The following TSHZ2 variants were observed in gnomAD, a reference collection of about 807,000 sequenced individuals.
The protein encoded by TSHZ2 is teashirt zinc finger homeobox 2, also known as teashirt homolog 2.
A neutral mutation model predicts 74.4 loss-of-function variants in TSHZ2; 21 were observed. That is an observed-to-expected ratio of 0.28 (90% CI 0.20 to 0.41). The LOEUF is 0.41. Among genes scored for constraint, TSHZ2 ranks in the 10% least tolerant of loss-of-function variants. The probability of loss-of-function intolerance (pLI) is 1.00; values close to 1 mark genes in which losing one functional copy is unlikely to be tolerated. For missense variants in TSHZ2, 1,244 were observed against 1,293.5 expected, an observed-to-expected ratio of 0.96 and a Z score of 0.59; for synonymous variants, 540 against 515.3, an observed-to-expected ratio of 1.05 and a Z score of -0.65.
chr20:53,406,593 C>T (rs181038519), intron 2 of TSHZ2, among the ~76,000 whole-genome samples: 102 of 152,188 alleles, frequency 6.7e-4, no homozygotes, highest in African/African-American at 2.4e-3. Flanking sequence ...CTTGCAGGAA[C>T]CCCCAATTCC....
At chr20:53,460,614 G>C (rs1433298779) in intron 2 of TSHZ2, among the ~76,000 whole-genome samples, 1 of 152,236 alleles carries the variant, frequency 6.6e-6, no homozygotes, top group African/African-American at 2.4e-5. Context: ...TTTGGAGGAG[G>C]AGAGGCGCTC....
chr20:53,303,432 A>G (rs1978388652), intron 2 of TSHZ2, among the ~76,000 whole-genome samples: 1 of 152,222 alleles, frequency 6.6e-6, no homozygotes, highest in Non-Finnish European at 1.5e-5. Context: ...TTCATCATCA[A>G]CAGCACAACT....
chr20:53,209,724 C>T (rs185433411), intron 1 of TSHZ2, among the ~76,000 whole-genome samples: 1 of 152,216 alleles, frequency 6.6e-6, no homozygotes, highest in East Asian at 1.9e-4. Context: ...GGTTTGGAGC[C>T]GAGCTGAACT....
chr20:53,490,970 C>T lies in TSHZ2; in HGVS notation c.*3835C>T, dbSNP rs1010203793. ...AAGGTGCTTGCATTCTGTTGCTTTT[C>T]CATCTGTCACTTCTCAGGTTATTTG... is the stretch of plus-strand genomic sequence containing the variant. On this transcript the variant is annotated 3_prime_UTR_variant, in exon 3 of 3. Coordinates refer to ENST00000371497, the MANE Select transcript of TSHZ2 (RefSeq NM_173485.6). 1.3e-5 allele frequency: 2 copies of T among 152,078 alleles called. No individual in the cohort carries two copies. Among genetic ancestry groups the T allele is most frequent in the African/African-American group, 4.8e-5 (2 of 41,488 alleles). The allele number at this position is 152,078 out of a possible 1,614,324, so 9.4% of individuals were successfully genotyped here.
At chr20:53,149,867 G>C (rs1415394842) in intron 1 of TSHZ2, among the ~76,000 whole-genome samples, 1 of 152,168 alleles carries the variant, frequency 6.6e-6, no homozygotes, top group Non-Finnish European at 1.5e-5. Context: ...AAATGCCCAA[G>C]AATATCTCCT....
At chr20:53,242,571 C>T (rs368883217) in intron 1 of TSHZ2, among the ~76,000 whole-genome samples, 19 of 152,224 alleles carry the variant, frequency 1.2e-4, no homozygotes, top group East Asian at 1.2e-3. Flanking sequence ...GTCACAATTG[C>T]GGGCTCCTGA....
chr20:53,036,319 A>G (rs1983816584), intron 1 of TSHZ2, among the ~76,000 whole-genome samples: 1 of 152,162 alleles, frequency 6.6e-6, no homozygotes, highest in African/African-American at 2.4e-5. Context: ...TGATCCGAAT[A>G]AGCAAGTCAT....
intron 1 of TSHZ2, among the ~76,000 whole-genome samples, chr20:53,005,253 C>T (rs1482153896): frequency 6.6e-6 from 1 of 151,954 alleles, no homozygotes; most frequent in Non-Finnish European, 1.5e-5. Flanking sequence ...GCAGAGATTG[C>T]CGTGAGCCAA....
chr20:53,007,333 G>C (rs1982678961), intron 1 of TSHZ2, among the ~76,000 whole-genome samples: 1 of 152,162 alleles, frequency 6.6e-6, no homozygotes, highest in South Asian at 2.1e-4. Context: ...TGGTAAGGAA[G>C]GAGGTTCAGA....
Position 53,274,177 on chromosome 20 carries a change from G to A in TSHZ2, c.*8+17606G>A, listed in dbSNP as rs941354556. 3.3e-5 allele frequency among the ~76,000 whole-genome samples: 5 copies of A among 152,194 alleles called. No individual in the cohort carries two copies. The South Asian group carries it at 8.3e-4, about 25-fold the overall frequency. ...CCCAGCTACTCAGGAAGCTGAGGCA[G>A]GAGAATTGCTTGAACCTGGGAGACG... On this transcript the variant is annotated intron_variant, in intron 2 of 2. Transcript: ENST00000371497.
At chr20:53,020,860 C>G (rs1403173147) in intron 1 of TSHZ2, among the ~76,000 whole-genome samples, 1 of 152,200 alleles carries the variant, frequency 6.6e-6, no homozygotes, top group Non-Finnish European at 1.5e-5. Flanking sequence ...ACCATAGGCT[C>G]CGGAAACAGA....
chr20:53,199,146 C>T (rs778465871), intron 1 of TSHZ2, among the ~76,000 whole-genome samples: 1 of 152,208 alleles, frequency 6.6e-6, no homozygotes, highest in African/African-American at 2.4e-5. Flanking sequence ...GTAGAGCCAA[C>T]ATTCATTAAA....
At chr20:53,201,198 T>G (rs1341860026) in intron 1 of TSHZ2, among the ~76,000 whole-genome samples, 2 of 152,194 alleles carry the variant, frequency 1.3e-5, no homozygotes, top group Admixed American at 6.5e-5. Flanking sequence ...TTTGGATTGC[T>G]GATATAACAC....
In TSHZ2 at chr20:53,255,115, G is replaced by C. The variant is rs747492793; in HGVS notation, c.1657G>C (p.Gly553Arg). 6.2e-7 allele frequency: 1 copy of C among 1,614,020 alleles called. No individual in the cohort carries two copies. The highest frequency in any genetic ancestry group is 8.5e-7 in the Non-Finnish European group (1 of 1,180,038). Residue 553 changes from glycine to arginine, a missense_variant, in exon 2 of 3, where the codon GGC becomes CGC. Around this residue, in one of 6 missense-constraint regions of TSHZ2, gnomAD observed 562 missense variants for 544.0 expected, o/e 1.03. Transcript: ENST00000371497. This position sits in a 1 kb window ranked among gnomAD's most constrained non-coding sequence, Gnocchi z 4.1. ...CCACGCAGCCTACCAGCTGTCTGAG[G>C]GCACCAAGCCGCCTTTGCCTATGGG... ...SIHAAYQLSEGTKPPLPMGSQ... is the reference protein window; with the variant it reads ...SIHAAYQLSERTKPPLPMGSQ...
chr20:53,194,619 A>G (rs1007824782), intron 1 of TSHZ2, among the ~76,000 whole-genome samples: 9 of 152,174 alleles, frequency 5.9e-5, no homozygotes. Context: ...CAAGAAGGAA[A>G]CTTTGTAAGA....
chr20:53,470,401 T>G (rs1985760609), intron 2 of TSHZ2, among the ~76,000 whole-genome samples: 1 of 152,226 alleles, frequency 6.6e-6, no homozygotes, highest in South Asian at 2.1e-4. Context: ...ATAAGCCAAT[T>G]TGCATTTCCA....
At chr20:53,271,134 A>G (rs1224492346) in intron 2 of TSHZ2, among the ~76,000 whole-genome samples, 2 of 152,222 alleles carry the variant, frequency 1.3e-5, no homozygotes, top group Admixed American at 6.5e-5. Flanking sequence ...TGCAGTCTCC[A>G]GAGACAGGGA....
chr20:53,309,296 G>A (rs6097354), intron 2 of TSHZ2, among the ~76,000 whole-genome samples: 24,225 of 152,182 alleles, frequency 0.16, 2,412 homozygotes, highest in Admixed American at 0.26. Flanking sequence ...GTTCTGGGCT[G>A]AAGATGTGAG....
intron 2 of TSHZ2, among the ~76,000 whole-genome samples, chr20:53,331,496 C>T (rs78088230): frequency 2.4e-4 from 37 of 152,194 alleles, no homozygotes; most frequent in African/African-American, 8.9e-4. Flanking sequence ...CCATGCACGA[C>T]CTCTGAGGGG....
Sources: allele counts gnomAD v4.1 joint callset (sites outside exome capture counted in the v4.1 genomes callset), GRCh38; gene constraint gnomAD v4.1.1; regional missense constraint gnomAD v4.1.1; non-coding constraint Gnocchi (gnomAD v3.1); transcripts MANE v1.5; gene names NCBI Gene and HGNC (gene_info 2026-07-23, HGNC 2026-07-21).